Variants in HSD17B4 observed in about 807,000 individuals in gnomAD.
HSD17B4 encodes peroxisomal multifunctional enzyme type 2.
A neutral mutation model predicts 101.0 loss-of-function variants in HSD17B4; 70 were observed. The ratio of observed to expected loss-of-function variants is 0.69; its 90% CI spans 0.57 to 0.85. The LOEUF (loss-of-function observed/expected upper bound fraction) is 0.85, where lower values mean the gene tolerates loss of function less well. HSD17B4 is among the 40% of genes least tolerant of loss of function. The probability of loss-of-function intolerance (pLI) is 0.00; values close to 1 mark genes in which losing one functional copy is unlikely to be tolerated. For missense variants in HSD17B4, 984 were observed against 892.4 expected (o/e 1.10, Z -1.31); for synonymous variants, 347 against 297.1 (o/e 1.17, Z -1.73).
chr5:119,467,933 A>C (rs1170114027), intron 2 of HSD17B4, among the ~76,000 whole-genome samples: 2 of 152,210 alleles, frequency 1.3e-5, no homozygotes, highest in East Asian at 3.8e-4. Context: ...CTTTACAAGC[A>C]AAGTGAGTTT....
chr5:119,480,057 T>C (rs1223207068), intron 8 of HSD17B4, among the ~76,000 whole-genome samples: 1 of 152,192 alleles, frequency 6.6e-6, no homozygotes, highest in African/African-American at 2.4e-5. Context: ...AGTGATATCT[T>C]ATTGTTTTAA....
At chr5:119,527,358 T>C in intron 20 of HSD17B4, 139 bp downstream of exon 20, 2 of 620,578 alleles carry the variant, frequency 3.2e-6, no homozygotes, top group Non-Finnish European at 5.9e-6. Flanking sequence ...ATACAGCTTG[T>C]CTGGTGTTTT....
At chr5:119,491,892 A>G (rs2126750682) in intron 9 of HSD17B4, among the ~76,000 whole-genome samples, 1 of 152,194 alleles carries the variant, frequency 6.6e-6, no homozygotes, top group Non-Finnish European at 1.5e-5. Flanking sequence ...TTTCTACTTC[A>G]TTGTACTGTT....
chr5:119,527,149 C>G lies in HSD17B4; in HGVS notation c.1697C>G (p.Pro566Arg), dbSNP rs1183044213. The change falls in exon 20 of 24, where the codon CCA (proline) becomes CGA (arginine). Residue 566 changes from proline to arginine, a missense_variant. Pro to Arg is a moderately radical substitution (Grantham distance 103, BLOSUM62 -2). Transcript: ENST00000510025. ...FKAIKARFAK[P>R]VYPGQTLQTE... ...TTTTTAAAGGCTCGTTTTGCAAAAC[C>G]AGTATATCCAGGACAAACTCTACAA... The G allele has an allele frequency of 6.2e-7, 1 of 1,600,380 alleles. No individual in the cohort carries two copies. The highest frequency in any genetic ancestry group is 1.3e-5 in the African/African-American group (1 of 74,392).
chr5:119,536,660 A>G (rs1159369322), intron 23 of HSD17B4, 110 bp downstream of exon 23: 1 of 991,688 alleles, frequency 1.0e-6, no homozygotes, highest in Non-Finnish European at 1.6e-6. Context: ...GTTTCTTACA[A>G]CTCTGAAGAT....
At chr5:119,478,353 A>G (rs1409514276) in intron 7 of HSD17B4, among the ~76,000 whole-genome samples, 1 of 152,134 alleles carries the variant, frequency 6.6e-6, no homozygotes, top group Non-Finnish European at 1.5e-5. Flanking sequence ...TTTCTAGTTT[A>G]TCCTGGTCCT....
chr5:119,482,275 C>T (rs999502346), intron 8 of HSD17B4, among the ~76,000 whole-genome samples: 2 of 152,060 alleles, frequency 1.3e-5, no homozygotes, highest in South Asian at 2.1e-4. Flanking sequence ...ATTTCTTTTA[C>T]GATGGTTTTG....
At chr5:119,523,839 A>G (rs1753333332) in intron 17 of HSD17B4, among the ~76,000 whole-genome samples, 1 of 152,098 alleles carries the variant, frequency 6.6e-6, no homozygotes, top group African/African-American at 2.4e-5. Context: ...GTTAGCCTCT[A>G]AATGTTTCTA....
At chr5:119,510,806 G>A (rs1243034580) in intron 16 of HSD17B4, among the ~76,000 whole-genome samples, 1 of 152,172 alleles carries the variant, frequency 6.6e-6, no homozygotes, top group Non-Finnish European at 1.5e-5. Context: ...AGCCAAGAAC[G>A]TAGGAGCCCT....
At chr5:119,522,449 C>A (rs2126864112) in intron 17 of HSD17B4, among the ~76,000 whole-genome samples, 1 of 152,250 alleles carries the variant, frequency 6.6e-6, no homozygotes, top group South Asian at 2.1e-4. Context: ...GGTATATACC[C>A]AGTAATGGGA....
intron 2 of HSD17B4, among the ~76,000 whole-genome samples, chr5:119,469,044 T>C (rs929414445): frequency 2.0e-5 from 3 of 151,962 alleles, no homozygotes; most frequent in Admixed American, 6.6e-5. Flanking sequence ...CATCACACTT[T>C]ATTCATTGTA....
Position 119,519,826 on chromosome 5 carries a change from T to C in HSD17B4, c.1503+4780T>C, listed in dbSNP as rs1327507152. ...AGTTTCACTAGAATATTTTCATAAT[T>C]TTTTATAATTCTGCTTCTACTAAAC... On this transcript the variant is annotated intron_variant, in intron 17 of 23. Transcript: ENST00000510025. Among the ~76,000 whole-genome samples, 5 of 152,340 alleles carry C rather than the reference T, an allele frequency of 3.3e-5. No homozygotes were observed. In the East Asian group the frequency reaches 9.6e-4, roughly 29 times the overall value.
chr5:119,493,452 A>C, intron 10 of HSD17B4: 2 of 225,484 alleles, frequency 8.9e-6, no homozygotes, highest in Non-Finnish European at 1.8e-5. Context: ...AGTTATCTTC[A>C]TTTTATAAAC....
At chr5:119,469,017 G>A (rs1213537881) in intron 2 of HSD17B4, among the ~76,000 whole-genome samples, 2 of 150,614 alleles carry the variant, frequency 1.3e-5, no homozygotes, top group African/African-American at 4.9e-5. Context: ...TATCTTACAC[G>A]AGTGTGAACA....
intron 8 of HSD17B4, among the ~76,000 whole-genome samples, chr5:119,483,232 C>T (rs1487737274): frequency 2.6e-5 from 4 of 152,088 alleles, no homozygotes; most frequent in Non-Finnish European, 4.4e-5. Context: ...AGCAATTTGT[C>T]GGTTACTGTT....
chr5:119,502,466 A>G (rs551801821), intron 14 of HSD17B4, among the ~76,000 whole-genome samples: 5 of 152,230 alleles, frequency 3.3e-5, no homozygotes, highest in Admixed American at 6.5e-5. Context: ...AAAGCAAACA[A>G]TGTTAAAAGA....
chr5:119,527,529 T>A (rs1753712831), intron 20 of HSD17B4, among the ~76,000 whole-genome samples: 1 of 152,012 alleles, frequency 6.6e-6, no homozygotes, highest in Admixed American at 6.6e-5. Flanking sequence ...GCTCAACTAG[T>A]CAATCAAGTC....
At chr5:119,503,635 C>T (rs1411076512) in intron 14 of HSD17B4, among the ~76,000 whole-genome samples, 1 of 151,984 alleles carries the variant, frequency 6.6e-6, no homozygotes. Flanking sequence ...CTCTTAATGG[C>T]TCATTTGTTG....
rs1162719276 is a variant in HSD17B4 at position 119,536,443 on chromosome 5, T to G, written c.2014T>G (p.Ser672Ala). 6.2e-7 allele frequency: 1 copy of G among 1,612,358 alleles called. No homozygotes were observed. Among genetic ancestry groups the G allele is most frequent in the Non-Finnish European group, 8.5e-7 (1 of 1,178,786 alleles). The change falls in exon 23 of 24, where the codon TCT (serine) becomes GCT (alanine). Residue 672 changes from serine (S) to alanine (A), a missense_variant. By Grantham distance (99) the Ser-to-Ala change is moderately conservative. Transcript: ENST00000510025. The stretch of plus-strand genomic sequence containing the variant: ...CCCAGCTATTGACCTGAAAAGTGGT[T>G]CTGGAAAAGTGTACCAAGGCCCTGC... ...AKWTIDLKSG[S>A]GKVYQGPAKG... is the part of the protein sequence containing the mutation.
Sources: allele counts gnomAD v4.1 joint callset (sites outside exome capture counted in the v4.1 genomes callset), GRCh38; gene constraint gnomAD v4.1.1; transcripts MANE v1.5; gene names NCBI Gene and HGNC (gene_info 2026-07-23, HGNC 2026-07-21).